CD1D: variants seen among roughly 807,000 people sequenced by gnomAD.
CD1D encodes the protein CD1d molecule.
CD1D carries 40 observed loss-of-function variants against 42.1 expected under a neutral mutation model. The observed-to-expected ratio is 0.95, with a 90% confidence interval of 0.74 to 1.24. The LOEUF is 1.24. CD1D is among the 50% of genes most tolerant of loss of function. CD1D has a pLI of 0.00. For missense variants in CD1D, 437 were observed against 416.5 expected, an observed-to-expected ratio of 1.05 and a Z score of -0.43; for synonymous variants, 178 against 171.8, an observed-to-expected ratio of 1.04 and a Z score of -0.28.
chr1:158,181,567 G>T lies in CD1D; in HGVS notation c.174G>T (p.Trp58Cys). The change falls in exon 2 of 6, where the codon TGG (tryptophan) becomes TGT (cysteine). Residue 58 changes from tryptophan (W) to cysteine (C), a missense_variant. By Grantham distance (215) the Trp-to-Cys change is radical. Coordinates refer to ENST00000674085, the MANE Select transcript of CD1D (RefSeq NM_001371762.2). ...TGGGGGAGCTGCAGACGCACAGCTG[G>T]AGCAACGACTCGGACACCGTCCGCT... ...AWLGELQTHS[W>C]SNDSDTVRSL... The T allele has an allele frequency of 1.9e-6, 3 of 1,614,146 alleles. No individual in the cohort carries two copies. The highest frequency in any genetic ancestry group is 2.5e-6 in the Non-Finnish European group (3 of 1,180,032).
rs756569869 is a variant in CD1D, at chr1:158,183,111, GT to G, written c.842del (p.Val281GlyfsTer6). On this transcript the variant is annotated frameshift_variant, in exon 4 of 6. Coordinates refer to ENST00000674085, the MANE Select transcript of CD1D (RefSeq NM_001371762.2). LOFTEE classifies it high-confidence loss of function. ...AGEAAGLSCRVKHSSLEGQDI... is the reference protein window; with the variant it reads ...AGEAAGLSCRXKHSSLEGQDI... ...GGAGGCAGCTGGCCTGTCCTGTCGG[GT>G]GAAGCACAGCAGTCTAGAGGGCCAG... 5.1e-5 allele frequency: 82 copies of G among 1,613,920 alleles called. No homozygotes were observed. The African/African-American group carries it at 9.5e-4, about 19-fold the overall frequency.
chr1:158,181,007 C>A lies in CD1D; in HGVS notation c.-95C>A. On this transcript the variant is annotated 5_prime_UTR_variant, in exon 1 of 6. Coordinates refer to ENST00000674085, the MANE Select transcript of CD1D (RefSeq NM_001371762.2). ...GGCTTGGGAATTGGCTGGCACCCAGCGGAAAGGGACGTGAGCTGAGCGGCG... is the reference window on the plus strand; with the variant it reads ...GGCTTGGGAATTGGCTGGCACCCAGAGGAAAGGGACGTGAGCTGAGCGGCG... 2.6e-6 allele frequency: 3 copies of A among 1,161,578 alleles called. No homozygotes were observed. Among genetic ancestry groups the A allele is most frequent in the South Asian group, 3.4e-5 (2 of 59,672 alleles). 72.0% of individuals were successfully genotyped at this position (1,161,578 alleles called of 1,614,324 possible).
Position 158,183,993 on chromosome 1 carries a change from TCCTCCTCATTGTGGGCTTTA to T in CD1D, c.950_969del (p.Leu317ProfsTer3). 1 of 1,614,194 alleles carries T rather than the reference TCCTCCTCATTGTGGGCTTTA, an allele frequency of 6.2e-7. No individual in the cohort carries two copies. The highest frequency in any genetic ancestry group is 8.5e-7 in the Non-Finnish European group (1 of 1,180,034). The stretch of plus-strand genomic sequence containing the variant: ...TTGGCAGTCCTGGCGTGCTTGCTGT[TCCTCCTCATTGTGGGCTTTA>T]CCTCCCGGTTTAAGAGGCAAACGTA... On this transcript the variant is annotated frameshift_variant, in exon 5 of 6. Transcript: ENST00000674085. LOFTEE classifies it low-confidence loss of function (END_TRUNC).
At position 158,185,377 on chromosome 1, in the gene CD1D, T is replaced by C. The variant is rs1370083545; in HGVS notation, c.*1227T>C. The stretch of plus-strand genomic sequence containing the variant: ...TAGACTTGCACATATGAATTTAGGA[T>C]GTGCGTGAAGATTCTGCTAGCTTCA... On this transcript the variant is annotated 3_prime_UTR_variant, in exon 6 of 6. Transcript: ENST00000674085. 6.6e-6 allele frequency among the ~76,000 whole-genome samples: 1 copy of C among 152,164 alleles called. No homozygotes were observed.
chr1:158,181,999 C>G (rs1163652942), intron 2 of CD1D, 33 bp from the exon 3 acceptor site: 1 of 1,556,880 alleles, frequency 6.4e-7, no homozygotes, highest in East Asian at 2.3e-5. Context: ...TCTTTTAAAC[C>G]CTTCTTTGAT....
chr1:158,178,375 A>G (rs1205621287), upstream of CD1D, among the ~76,000 whole-genome samples: 3 of 152,204 alleles, frequency 2.0e-5, no homozygotes. Context: ...GATAGCTATT[A>G]TAAAAGTTTC....
At chr1:158,182,441 G>T (rs760128568) in intron 3 of CD1D, 131 bp downstream of exon 3, 28 of 987,750 alleles carry the variant, frequency 2.8e-5, no homozygotes, top group Non-Finnish European at 3.9e-5. Flanking sequence ...AGGGGTGAGG[G>T]TATTTATTCA....
At chr1:158,181,364 C>T in intron 1 of CD1D, 91 bp from the exon 2 acceptor site, 2 of 1,541,958 alleles carry the variant, frequency 1.3e-6, no homozygotes, top group East Asian at 2.3e-5. Flanking sequence ...CCTCCTGAAG[C>T]TCATCTCCTC....
chr1:158,185,381 C>G lies in CD1D; in HGVS notation c.*1231C>G, dbSNP rs909420568. Among the ~76,000 whole-genome samples the G allele has an allele frequency of 2.0e-5, 3 of 152,096 alleles. No homozygotes were observed. The highest frequency in any genetic ancestry group is 2.0e-4 in the Admixed American group (3 of 15,284). Reference sequence around the variant, plus strand: ...CTTGCACATATGAATTTAGGATGTGCGTGAAGATTCTGCTAGCTTCAACAT... The same window carrying G: ...CTTGCACATATGAATTTAGGATGTGGGTGAAGATTCTGCTAGCTTCAACAT... On this transcript the variant is annotated 3_prime_UTR_variant, in exon 6 of 6. Transcript: ENST00000674085.
At position 158,183,983 on chromosome 1, in the gene CD1D, T is replaced by G; in HGVS notation, c.934T>G (p.Cys312Gly). 1 of 1,614,218 alleles carries G rather than the reference T, an allele frequency of 6.2e-7. No individual in the cohort carries two copies. The highest frequency in any genetic ancestry group is 8.5e-7 in the Non-Finnish European group (1 of 1,180,028). ...CTTGATTGCCTTGGCAGTCCTGGCG[T>G]GCTTGCTGTTCCTCCTCATTGTGGG... ...MGLIALAVLA[C>G]LLFLLIVGFT... The change falls in exon 5 of 6, where the codon TGC (cysteine) becomes GGC (glycine). Residue 312 changes from cysteine to glycine, a missense_variant. Coordinates refer to ENST00000674085, the MANE Select transcript of CD1D (RefSeq NM_001371762.2).
At chr1:158,179,184 T>G (rs1226863404), upstream of CD1D, among the ~76,000 whole-genome samples, 1 of 152,074 alleles carries the variant, frequency 6.6e-6, no homozygotes, top group Non-Finnish European at 1.5e-5. Context: ...CATATAATTA[T>G]TTTTCTTTTT....
At chr1:158,182,551 G>C (rs1648495717) in intron 3 of CD1D, 7 of 603,276 alleles carry the variant, frequency 1.2e-5, no homozygotes, top group African/African-American at 1.9e-5. Context: ...ATCCCTGCTT[G>C]GTAGGGGGAT....
In CD1D at chr1:158,182,972, A is replaced by G. The variant is rs1012408692; in HGVS notation, c.702A>G (p.Val234=). ...CHVSGFYPKP[V]WVKWMRGEQE... ...TCTCAGGATTCTACCCAAAGCCTGT[A>G]TGGGTGAAGTGGATGCGGGGTGAGC... The change falls in exon 4 of 6, where the codon GTA becomes GTG. Residue 234 remains valine (V), a synonymous_variant. Coordinates refer to ENST00000674085, the MANE Select transcript of CD1D (RefSeq NM_001371762.2). The G allele has an allele frequency of 1.2e-6, 2 of 1,614,110 alleles. No homozygotes were observed. Among genetic ancestry groups the G allele is most frequent in the African/African-American group, 1.3e-5 (1 of 75,030 alleles).
chr1:158,181,905 T>C, intron 2 of CD1D, 127 bp from the exon 3 acceptor site: 3 of 1,367,254 alleles, frequency 2.2e-6, no homozygotes. Flanking sequence ...TCCTGCCTAC[T>C]CCAGGTCACT....
rs1014702413 is a variant in CD1D at position 158,180,926 on chromosome 1, T to G, written c.-176T>G. ...CGCACAGCTAAGGGCGAGGGCGCCC[T>G]TCGGCAGAAGCAGCAAACCGCCGGC... is the stretch of plus-strand genomic sequence containing the variant. On this transcript the variant is annotated 5_prime_UTR_variant, in exon 1 of 6. Transcript: ENST00000674085. 4 of 523,716 alleles carry G rather than the reference T, an allele frequency of 7.6e-6. No individual in the cohort carries two copies. The highest frequency in any genetic ancestry group is 1.3e-5 in the Non-Finnish European group (4 of 309,874). 32.4% of individuals were successfully genotyped at this position (523,716 alleles called of 1,614,324 possible).
intron 3 of CD1D, 65 bp downstream of exon 3, chr1:158,182,375 G>A (rs1016118323): frequency 1.4e-5 from 22 of 1,567,242 alleles, no homozygotes; most frequent in Non-Finnish European, 1.8e-5. Context: ...TTCCATTCCA[G>A]GGTTCTCATC....
At chr1:158,181,953 C>T in intron 2 of CD1D, 79 bp from the exon 3 acceptor site, 1 of 1,503,560 alleles carries the variant, frequency 6.7e-7, no homozygotes, top group Non-Finnish European at 8.9e-7. Flanking sequence ...CCCATTATAA[C>T]CTGCACATCA....
chr1:158,181,477 C>G lies in CD1D; in HGVS notation c.84C>G (p.Leu28=). 1 of 1,614,106 alleles carries G rather than the reference C, an allele frequency of 6.2e-7. No homozygotes were observed. Among genetic ancestry groups the G allele is most frequent in the Non-Finnish European group, 8.5e-7 (1 of 1,179,996 alleles). ...CAGTCCCGCAAAGGCTTTTCCCCCT[C>G]CGCTGCCTCCAGATCTCGTCCTTCG... is the stretch of plus-strand genomic sequence containing the variant. ...SAEVPQRLFP[L]RCLQISSFAN... Residue 28 remains leucine, a synonymous_variant, in exon 2 of 6, where the codon CTC becomes CTG. Transcript: ENST00000674085.
At position 158,181,658 on chromosome 1, in the gene CD1D, C is replaced by T. The variant is rs920079330; in HGVS notation, c.265C>T (p.Arg89Trp). The T allele has an allele frequency of 1.2e-6, 2 of 1,613,680 alleles. No homozygotes were observed. Among genetic ancestry groups the T allele is most frequent in the East Asian group, 2.2e-5 (1 of 44,882 alleles). Reference sequence around the variant, plus strand: ...GTGGGAGACGCTGCAGCATATATTTCGGGTTTATCGAAGCAGCTTCACCAG... The same window carrying T: ...GTGGGAGACGCTGCAGCATATATTTTGGGTTTATCGAAGCAGCTTCACCAG... Reference protein sequence around the residue: ...QQWETLQHIFRVYRSSFTRDV... With the variant: ...QQWETLQHIFWVYRSSFTRDV... The change falls in exon 2 of 6, where the codon CGG becomes TGG. Residue 89 changes from arginine to tryptophan, a missense_variant. Coordinates refer to ENST00000674085, the MANE Select transcript of CD1D (RefSeq NM_001371762.2).
Sources: gnomAD v4.1 joint callset for allele counts (sites outside exome capture counted in the v4.1 genomes callset) on GRCh38, gnomAD v4.1.1 for gene constraint, MANE v1.5 for transcripts, NCBI Gene and HGNC (gene_info 2026-07-23, HGNC 2026-07-21) for gene names.